Variants in PSD3 observed in about 807,000 individuals in gnomAD.
PSD3 encodes PH and SEC7 domain-containing protein 3.
PSD3 carries 49 observed loss-of-function variants against 105.5 expected under a neutral mutation model. The observed-to-expected ratio is 0.46, with a 90% CI of 0.37 to 0.59. The LOEUF (loss-of-function observed/expected upper bound fraction) is 0.59, where lower values mean the gene tolerates loss of function less well. PSD3 is among the 20% of genes least tolerant of loss of function. The probability of loss-of-function intolerance (pLI) is 0.00; values close to 1 mark genes in which losing one functional copy is unlikely to be tolerated. For missense variants in PSD3, 1,561 were observed against 1,263.8 expected (o/e 1.24, Z -3.57); for synonymous variants, 557 against 457.8 (o/e 1.22, Z -2.77).
At chr8:18,868,167 A>C in intron 3 of PSD3, 98 bp from the exon 4 acceptor site, 1 of 1,272,828 alleles carries the variant, frequency 7.9e-7, no homozygotes, top group Middle Eastern at 2.1e-4. Flanking sequence ...TGAAGATCTA[A>C]CTCTTCTATT....
chr8:19,059,905 T>C (rs1383105530), intron 1 of PSD3, among the ~76,000 whole-genome samples: 1 of 152,216 alleles, frequency 6.6e-6, no homozygotes, highest in East Asian at 1.9e-4. Flanking sequence ...CTTCTGGCTT[T>C]GCTCTGTGCA....
chr8:18,555,826 T>C (rs1191556588), intron 15 of PSD3, among the ~76,000 whole-genome samples: 1 of 152,200 alleles, frequency 6.6e-6, no homozygotes, highest in Non-Finnish European at 1.5e-5. Context: ...TCACATCAAC[T>C]ATGTGGCTCA....
chr8:18,872,240 A>T lies in PSD3; in HGVS notation c.624T>A (p.Ser208Arg). The T allele has an allele frequency of 3.1e-6, 5 of 1,614,130 alleles. No individual in the cohort carries two copies. Among genetic ancestry groups the T allele is most frequent in the Non-Finnish European group, 2.5e-6 (3 of 1,180,012 alleles). The change falls in exon 3 of 16, where the codon AGT (serine) becomes AGA (arginine). Residue 208 changes from serine (S) to arginine (R), a missense_variant. Coordinates refer to ENST00000327040, the MANE Select transcript of PSD3 (RefSeq NM_015310.4). ...GATCTTTCTGGATGCTCAAATAAAA[A>T]CTTTCCTCCGTTGTTACTTCAGCTG... ...PLSAEVTTEE[S>R]FYLSIQKDLT...
intron 9 of PSD3, among the ~76,000 whole-genome samples, chr8:18,710,688 A>T (rs1563190000): frequency 6.7e-6 from 1 of 148,440 alleles, no homozygotes; most frequent in Admixed American, 6.7e-5. Flanking sequence ...CCAATATTCA[A>T]TTTTTTTTTT....
chr8:18,838,355 C>T (rs953118309), intron 4 of PSD3, among the ~76,000 whole-genome samples: 1 of 152,136 alleles, frequency 6.6e-6, no homozygotes, highest in Non-Finnish European at 1.5e-5. Context: ...GAAAGGAAAT[C>T]GTCTGACCCT....
intron 4 of PSD3, chr8:18,849,546 G>C (rs1815399999): frequency 6.6e-6 from 1 of 152,140 alleles, no homozygotes; most frequent in African/African-American, 2.4e-5. Context: ...TACATTTCTA[G>C]AAACCTGAAA....
intron 1 of PSD3, among the ~76,000 whole-genome samples, chr8:19,003,821 T>G (rs1826526549): frequency 6.6e-6 from 1 of 152,024 alleles, no homozygotes; most frequent in Non-Finnish European, 1.5e-5. Flanking sequence ...CAGACTGGCT[T>G]GATCAGCTCC....
At chr8:18,568,812 C>A (rs568148337) in intron 14 of PSD3, among the ~76,000 whole-genome samples, 3 of 151,760 alleles carry the variant, frequency 2.0e-5, no homozygotes, top group Admixed American at 6.6e-5. Context: ...CCCACTAACT[C>A]GTCATCTAGC....
chr8:18,741,310 C>T (rs10097758), intron 9 of PSD3, among the ~76,000 whole-genome samples: 8,594 of 152,184 alleles, frequency 0.056, 555 homozygotes, highest in East Asian at 0.25. Flanking sequence ...CTGAAAGCCT[C>T]CTTAATTTGC....
chr8:19,083,207 C>T (rs1395749322), intron 1 of PSD3, among the ~76,000 whole-genome samples: 2 of 152,202 alleles, frequency 1.3e-5, no homozygotes, highest in African/African-American at 2.4e-5. Context: ...CCCTCATGCT[C>T]ACACACATGC....
intron 11 of PSD3, among the ~76,000 whole-genome samples, chr8:18,616,654 C>T (rs1330994889): frequency 8.6e-6 from 1 of 116,460 alleles, no homozygotes; most frequent in Non-Finnish European, 1.8e-5. Flanking sequence ...GACGGAGTCT[C>T]GCTCTGTCGC....
intron 8 of PSD3, among the ~76,000 whole-genome samples, chr8:18,791,815 G>A (rs1482432473): frequency 6.6e-6 from 1 of 152,140 alleles, no homozygotes; most frequent in African/African-American, 2.4e-5. Context: ...GAAAAATTTT[G>A]TAATTTATCC....
At chr8:18,915,989 G>C (rs968760092) in intron 2 of PSD3, among the ~76,000 whole-genome samples, 5 of 151,896 alleles carry the variant, frequency 3.3e-5, no homozygotes, top group Admixed American at 2.6e-4. Flanking sequence ...CCAGCTACTC[G>C]GGAGGCTAAG....
chr8:19,043,416 T>A (rs556610010), intron 1 of PSD3, among the ~76,000 whole-genome samples: 2 of 152,310 alleles, frequency 1.3e-5, no homozygotes, highest in Admixed American at 1.3e-4. Flanking sequence ...GTTGTCAATA[T>A]CCCCTTGAAC....
At chr8:18,558,174 T>C (rs146102768) in intron 14 of PSD3, among the ~76,000 whole-genome samples, 1 of 152,382 alleles carries the variant, frequency 6.6e-6, no homozygotes, top group East Asian at 1.9e-4. Context: ...TATAGTGTTT[T>C]GTTATGGCAG....
intron 8 of PSD3, among the ~76,000 whole-genome samples, chr8:18,791,839 C>T (rs957973836): frequency 1.3e-5 from 2 of 152,132 alleles, no homozygotes; most frequent in Non-Finnish European, 1.5e-5. Context: ...TGACAATGGT[C>T]TAATACCCGG....
At chr8:19,076,581 T>C (rs1014572564) in intron 1 of PSD3, among the ~76,000 whole-genome samples, 1 of 152,210 alleles carries the variant, frequency 6.6e-6, no homozygotes, top group Admixed American at 6.5e-5. Context: ...TGATTACTTA[T>C]ATTATCAGAT....
intron 4 of PSD3, among the ~76,000 whole-genome samples, chr8:18,852,768 C>G (rs893341822): frequency 6.6e-6 from 1 of 152,166 alleles, no homozygotes; most frequent in African/African-American, 2.4e-5. Flanking sequence ...CCATCATGCT[C>G]TAACATCGAA....
rs1799471465 is a variant in PSD3 at position 18,527,480 on chromosome 8, CA to C, written c.*8262del. 6.6e-6 allele frequency: 1 copy of C among 152,534 alleles called. No homozygotes were observed. Among genetic ancestry groups the C allele is most frequent in the Non-Finnish European group, 1.5e-5 (1 of 68,026 alleles). 9.4% of individuals were successfully genotyped at this position (152,534 alleles called of 1,614,324 possible). A position where few individuals can be genotyped will look rare whatever the true frequency, so the allele number is the denominator to read the frequency against. ...TCCCCAACTTATAAAAACACAGGAA[CA>C]ATTATATTCATAAACATTTACACAA... On this transcript the variant is annotated 3_prime_UTR_variant, in exon 16 of 16. Coordinates refer to ENST00000327040, the MANE Select transcript of PSD3 (RefSeq NM_015310.4).
Sources: allele counts gnomAD v4.1 joint callset (sites outside exome capture counted in the v4.1 genomes callset), GRCh38; gene constraint gnomAD v4.1.1; transcripts MANE v1.5; gene names NCBI Gene and HGNC (gene_info 2026-07-23, HGNC 2026-07-21).